The following NBPF3 variants were observed in gnomAD, a reference collection of about 807,000 sequenced individuals.
NBPF3 encodes NBPF member 3, also known as NBPF family member NBPF3.
Under a neutral mutation model 78.1 loss-of-function variants are expected in NBPF3, and 57 were observed. That is an observed-to-expected ratio of 0.73 (90% CI 0.59 to 0.91). The LOEUF is 0.91. NBPF3 is among the 40% of genes least tolerant of loss of function. NBPF3 has a pLI of 0.00. For synonymous variants in NBPF3, 182 were observed against 271.7 expected, an observed-to-expected ratio of 0.67 and a Z score of 3.25; for missense variants, 510 against 715.3, an observed-to-expected ratio of 0.71 and a Z score of 3.27.
At chr1:21,468,523 AAC>A in intron 2 of NBPF3, 163 bp from the exon 3 acceptor site, 1 of 1,485,896 alleles carries the variant, frequency 6.7e-7, no homozygotes. Flanking sequence ...AGGCACCTCG[AAC>A]ATTGTTTTTG....
intron 1 of NBPF3, among the ~76,000 whole-genome samples, chr1:21,440,609 G>C (rs1445387471): frequency 6.6e-6 from 1 of 152,196 alleles, no homozygotes; most frequent in East Asian, 1.9e-4. Context: ...CCAGGGGGTG[G>C]AGGGACGGAG....
At chr1:21,437,018 G>C (rs1412543109), upstream of NBPF3, among the ~76,000 whole-genome samples, 1 of 152,164 alleles carries the variant, frequency 6.6e-6, no homozygotes, top group African/African-American at 2.4e-5. Context: ...GCCGAGCCCA[G>C]AAGTGGGGGT....
intron 2 of NBPF3, among the ~76,000 whole-genome samples, chr1:21,452,065 A>G (rs1329075957): frequency 2.0e-5 from 3 of 152,166 alleles, no homozygotes; most frequent in Non-Finnish European, 2.9e-5. Flanking sequence ...TTGTACAACA[A>G]TTTTCTAAAC....
chr1:21,450,003 AGAG>A (rs1420335996), intron 2 of NBPF3: 1 of 168,130 alleles, frequency 5.9e-6, no homozygotes, highest in East Asian at 1.9e-4. Flanking sequence ...TTGAAATTCA[AGAG>A]GAGAGACAGG....
intron 2 of NBPF3, 103 bp downstream of exon 2, chr1:21,445,322 G>A: frequency 7.8e-7 from 1 of 1,278,388 alleles, no homozygotes; most frequent in East Asian, 2.4e-5. Context: ...AACATTGCAG[G>A]GCCTTGCCTG....
At chr1:21,479,820 C>CTCTCTGTGTGTGTGTG (rs766796014) in intron 10 of NBPF3, among the ~76,000 whole-genome samples, 22 of 102,872 alleles carry the variant, frequency 2.1e-4, no homozygotes, top group South Asian at 4.6e-4. Context: ...CTCTCTCTCT[C>CTCTCTGTGTGTGTGTG]TGTGTGTGTG....
intron 5 of NBPF3, among the ~76,000 whole-genome samples, chr1:21,472,290 G>A (rs1223384541): frequency 6.6e-6 from 1 of 152,194 alleles, no homozygotes; most frequent in East Asian, 1.9e-4. Flanking sequence ...ATGAGATAAA[G>A]CCCCTCGCCA....
At chr1:21,478,055 C>T in intron 8 of NBPF3, 89 bp from the exon 9 acceptor site, 1 of 1,610,898 alleles carries the variant, frequency 6.2e-7, no homozygotes, top group Non-Finnish European at 8.5e-7. Context: ...GCACTCCATT[C>T]TGTCTCCCAT....
Position 21,470,722 on chromosome 1 carries a change from C to T in NBPF3, c.434C>T (p.Ala145Val), listed in dbSNP as rs1382682982. 3.8e-6 allele frequency: 6 copies of T among 1,597,580 alleles called. No individual in the cohort carries two copies. In the Admixed American group the frequency reaches 1.0e-4, roughly 27 times the overall value. ...EEKLAEELGQ[A>V]EELRQYKVLV... ...AAGCTTGCAGAGGAGCTCGGGCAAG[C>T]TGAGGAGCTCAGGTGAGTGGGCCCC... The change falls in exon 4 of 15, where the codon GCT becomes GTT. Residue 145 changes from alanine (A) to valine (V), a missense_variant. Around this residue, in one of 5 missense-constraint regions of NBPF3, gnomAD observed 440 missense variants for 478.2 expected, o/e 0.92. Transcript: ENST00000318249.
chr1:21,463,655 G>T (rs1358344180), intron 2 of NBPF3, among the ~76,000 whole-genome samples: 1 of 152,170 alleles, frequency 6.6e-6, no homozygotes, highest in Non-Finnish European at 1.5e-5. Flanking sequence ...ACACTGTCAA[G>T]GAAGTGAAAA....
At chr1:21,475,088 T>A in intron 8 of NBPF3, 137 bp downstream of exon 8, 1 of 750,810 alleles carries the variant, frequency 1.3e-6, no homozygotes, top group Non-Finnish European at 2.2e-6. Flanking sequence ...AACAATGTTG[T>A]ACATTATTTG....
At chr1:21,472,762 A>G in intron 5 of NBPF3, 81 bp from the exon 6 acceptor site, 1 of 970,274 alleles carries the variant, frequency 1.0e-6, no homozygotes, top group Non-Finnish European at 1.7e-6. Flanking sequence ...CTAGATGTTC[A>G]TGTCTGTGTG....
At chr1:21,482,374 T>C (rs887384557) in intron 13 of NBPF3, 110 bp from the exon 14 acceptor site, 1 of 140,282 alleles carries the variant, frequency 7.1e-6, no homozygotes, top group African/African-American at 4.9e-5. Flanking sequence ...CACAGTGTCC[T>C]ATTCTTATGC....
chr1:21,465,517 A>G (rs1415300490), intron 2 of NBPF3, among the ~76,000 whole-genome samples: 2 of 152,244 alleles, frequency 1.3e-5, no homozygotes, highest in African/African-American at 2.4e-5. Context: ...AATATTTTCA[A>G]TGCAGTCTCT....
At chr1:21,475,083 T>A in intron 8 of NBPF3, 132 bp downstream of exon 8, 1 of 763,130 alleles carries the variant, frequency 1.3e-6, no homozygotes, top group Non-Finnish European at 2.2e-6. Context: ...TTATTAACAA[T>A]GTTGTACATT....
intron 2 of NBPF3, chr1:21,454,012 G>T (rs1558481730): frequency 6.6e-6 from 1 of 152,232 alleles, no homozygotes; most frequent in Admixed American, 6.5e-5. Flanking sequence ...AAGGGCACCT[G>T]TGGTGGCCAT....
chr1:21,437,490 G>C, upstream of NBPF3: 1 of 1,461,556 alleles, frequency 6.8e-7, no homozygotes, highest in East Asian at 2.5e-5. Context: ...GACGCCCAGC[G>C]CGAGGTGCAG....
At chr1:21,479,978 C>T (rs886244203) in intron 10 of NBPF3, 73 bp from the exon 11 acceptor site, 11 of 813,236 alleles carry the variant, frequency 1.4e-5, no homozygotes, top group Middle Eastern at 3.4e-4. Flanking sequence ...CTTATGTTAC[C>T]CATGAAATCT....
At chr1:21,450,069 G>A (rs1641221054) in intron 2 of NBPF3, among the ~76,000 whole-genome samples, 1 of 152,168 alleles carries the variant, frequency 6.6e-6, no homozygotes, top group South Asian at 2.1e-4. Flanking sequence ...ACAAACCAGT[G>A]GTTTGAAACC....
Sources: allele counts gnomAD v4.1 joint callset (sites outside exome capture counted in the v4.1 genomes callset), GRCh38; gene constraint gnomAD v4.1.1; regional missense constraint gnomAD v4.1.1; transcripts MANE v1.5; gene names NCBI Gene and HGNC (gene_info 2026-07-23, HGNC 2026-07-21).